MEIS2: variants seen among roughly 807,000 people sequenced by gnomAD.
The protein encoded by MEIS2 is homeobox protein Meis2.
A neutral mutation model predicts 58.6 loss-of-function variants in MEIS2; 9 were observed. The ratio of observed to expected loss-of-function variants is 0.15; its 90% confidence interval spans 0.09 to 0.27. The LOEUF (loss-of-function observed/expected upper bound fraction) is 0.27. MEIS2 is among the 10% of genes least tolerant of loss of function. The pLI, the probability that MEIS2 is intolerant of heterozygous loss-of-function variation, is 1.00. For synonymous variants in MEIS2, 221 were observed against 228.4 expected, an observed-to-expected ratio of 0.97 and a Z score of 0.29; for missense variants, 427 against 635.0, an observed-to-expected ratio of 0.67 and a Z score of 3.52.
intron 7 of MEIS2, chr15:37,066,584 A>C (rs561248736): frequency 2.6e-5 from 4 of 152,342 alleles, no homozygotes; most frequent in Admixed American, 2.0e-4. Flanking sequence ...TTAGAAACCT[A>C]CATTAAGAAA....
chr15:36,944,925 T>C lies in MEIS2; in HGVS notation c.977+5399A>G, dbSNP rs572327399. Among the ~76,000 whole-genome samples the C allele has an allele frequency of 1.1e-4, 16 of 152,168 alleles. 1 individual carries two copies. In the South Asian group the frequency reaches 3.3e-3, roughly 32 times the overall value. ...AGTGTCCAGCTGTCTCTGTACCTCATTTAGATTTCTTGCACCACTGGCCAA... is the reference window on the plus strand; with the variant it reads ...AGTGTCCAGCTGTCTCTGTACCTCACTTAGATTTCTTGCACCACTGGCCAA... On this transcript the variant is annotated intron_variant, in intron 9 of 11. Transcript: ENST00000561208.
chr15:36,986,522 C>T (rs1007556274), intron 8 of MEIS2, among the ~76,000 whole-genome samples: 3 of 152,226 alleles, frequency 2.0e-5, no homozygotes, highest in African/African-American at 7.2e-5. Flanking sequence ...CGGCTTCCAG[C>T]TTCCTTCAGT....
At chr15:36,991,371 T>C (rs1199339491) in intron 8 of MEIS2, among the ~76,000 whole-genome samples, 1 of 152,178 alleles carries the variant, frequency 6.6e-6, no homozygotes, top group Non-Finnish European at 1.5e-5. Context: ...AATCAGTGAC[T>C]ACATCTAAAA....
intron 7 of MEIS2, among the ~76,000 whole-genome samples, chr15:37,067,193 G>A (rs930538482): frequency 1.3e-5 from 2 of 151,004 alleles, no homozygotes; most frequent in African/African-American, 4.9e-5. Flanking sequence ...GGGCTCAAGC[G>A]ATCCTTCTGT....
chr15:36,992,331 T>C (rs1351762273), intron 8 of MEIS2, among the ~76,000 whole-genome samples: 1 of 152,146 alleles, frequency 6.6e-6, no homozygotes, highest in African/African-American at 2.4e-5. Flanking sequence ...TAAAGTTTTT[T>C]TAAGACTAAA....
At chr15:36,901,466 C>A (rs893930459) in intron 9 of MEIS2, among the ~76,000 whole-genome samples, 3 of 152,120 alleles carry the variant, frequency 2.0e-5, no homozygotes, top group African/African-American at 7.2e-5. Context: ...GGAGTCATGT[C>A]GCAGACATAA....
rs538843001 is a variant in MEIS2 at position 37,020,205 on chromosome 15, G to A, written c.900+16609C>T. On this transcript the variant is annotated intron_variant, in intron 8 of 11. Transcript: ENST00000561208. The stretch of plus-strand genomic sequence containing the variant: ...GTTTGCCAAGTCTCCTCTACAAAGC[G>A]TGTATTAATCACAGGTCCTGAGGAG... 3.9e-5 allele frequency among the ~76,000 whole-genome samples: 6 copies of A among 152,068 alleles called. No homozygotes were observed. The South Asian group carries it at 8.3e-4, about 21-fold the overall frequency.
At chr15:36,995,973 A>ATGTATGTGTGTG (rs1567159658) in intron 8 of MEIS2, among the ~76,000 whole-genome samples, 5 of 7,900 alleles carry the variant, frequency 6.3e-4, no homozygotes, top group East Asian at 8.1e-3. Flanking sequence ...ATATATATAT[A>ATGTATGTGTGTG]TATATATATA....
intron 6 of MEIS2, among the ~76,000 whole-genome samples, chr15:37,085,411 A>T (rs1892766307): frequency 6.6e-6 from 1 of 152,228 alleles, no homozygotes; most frequent in African/African-American, 2.4e-5. Flanking sequence ...TGATGTTACC[A>T]AAATAAAACA....
chr15:37,087,105 A>G (rs1026734309), intron 6 of MEIS2, among the ~76,000 whole-genome samples: 1 of 152,170 alleles, frequency 6.6e-6, no homozygotes, highest in Non-Finnish European at 1.5e-5. Flanking sequence ...ATGCAAGTAG[A>G]AAAATAAAGA....
intron 8 of MEIS2, among the ~76,000 whole-genome samples, chr15:37,000,734 C>G (rs12914273): frequency 0.19 from 28,181 of 152,086 alleles, 3,025 homozygotes; most frequent in South Asian, 0.31. Flanking sequence ...TTTTCAATCT[C>G]TTCACTTCTA....
intron 8 of MEIS2, among the ~76,000 whole-genome samples, chr15:36,995,799 ATGT>A (rs138072494): frequency 0.45 from 63,044 of 139,340 alleles, 15,909 homozygotes; most frequent in East Asian, 0.68. Flanking sequence ...GCACTCAGAA[ATGT>A]TGTGCTTTAT....
At chr15:37,013,735 G>C (rs932243175) in intron 8 of MEIS2, among the ~76,000 whole-genome samples, 1 of 151,852 alleles carries the variant, frequency 6.6e-6, no homozygotes, top group African/African-American at 2.4e-5. Flanking sequence ...TCTGGGTTAA[G>C]CAAAATAGAA....
intron 7 of MEIS2, among the ~76,000 whole-genome samples, chr15:37,054,700 G>A (rs1331781846): frequency 1.3e-5 from 2 of 152,182 alleles, no homozygotes; most frequent in Non-Finnish European, 2.9e-5. Flanking sequence ...ATTATAGGCT[G>A]AGCCACCGTG....
rs1300752974 is a variant in MEIS2, at chr15:36,896,549, G to A, written c.1036+79C>T. The A allele has an allele frequency of 1.7e-5, 19 of 1,117,280 alleles. No individual in the cohort carries two copies. The African/African-American group carries it at 2.7e-4, about 16-fold the overall frequency. The allele number at this position is 1,117,280 out of a possible 1,614,324, so 69.2% of individuals were successfully genotyped here. A position where few individuals can be genotyped will look rare whatever the true frequency, so the allele number is the denominator to read the frequency against. ...GCCTGGTGGAAGCACTTATTTATCA[G>A]ATGAGGAAACTACTGGAGTATAACT... On this transcript the variant is annotated intron_variant, in intron 10 of 11. Coordinates refer to ENST00000561208, the MANE Select transcript of MEIS2 (RefSeq NM_170675.5).
At chr15:37,088,580 G>C (rs1051913200) in intron 6 of MEIS2, among the ~76,000 whole-genome samples, 14 of 152,114 alleles carry the variant, frequency 9.2e-5, no homozygotes, top group Admixed American at 9.2e-4. Flanking sequence ...TTGTAAAGTT[G>C]ACATAAGAAG....
At position 37,098,187 on chromosome 15, in the gene MEIS2, G is replaced by T; in HGVS notation, c.25C>A (p.Pro9Thr). ...ACTCCGTCCATCCCGCCGTAATGGG[G>T]CAGCTCATCGTACTGTCAGAACCCG... MAQRYDEL[P>T]HYGGMDGVGV... The change falls in exon 2 of 12, where the codon CCC (proline) becomes ACC (threonine). Residue 9 changes from proline (P) to threonine (T), a missense_variant. Transcript: ENST00000561208. 1 of 1,603,300 alleles carries T rather than the reference G, an allele frequency of 6.2e-7. No individual in the cohort carries two copies.
At chr15:36,980,618 T>C (rs955116277) in intron 8 of MEIS2, among the ~76,000 whole-genome samples, 7 of 152,168 alleles carry the variant, frequency 4.6e-5, no homozygotes, top group African/African-American at 1.7e-4. Context: ...AAGATGAGAT[T>C]TGGGTGGGGA....
intron 9 of MEIS2, chr15:36,898,483 T>C (rs1377772925): frequency 6.6e-6 from 1 of 152,228 alleles, no homozygotes; most frequent in African/African-American, 2.4e-5. Flanking sequence ...ATCCTGGTTT[T>C]TGTGTTTTGC....
Sources: allele counts gnomAD v4.1 joint callset (sites outside exome capture counted in the v4.1 genomes callset), GRCh38; gene constraint gnomAD v4.1.1; transcripts MANE v1.5; gene names NCBI Gene and HGNC (gene_info 2026-07-23, HGNC 2026-07-21).